STK39: variants seen among roughly 807,000 people sequenced by gnomAD.
STK39 encodes STE20/SPS1-related proline-alanine-rich protein kinase.
STK39 carries 20 observed loss-of-function variants against 77.8 expected under a neutral mutation model. The ratio of observed to expected loss-of-function variants is 0.26; its 90% confidence interval spans 0.18 to 0.37. The LOEUF is 0.37. Ranked by LOEUF, STK39 falls within the 10% of genes least tolerant of loss-of-function variation. STK39 has a pLI of 1.00. For missense variants in STK39, 479 were observed against 656.5 expected (o/e 0.73, Z 2.95); for synonymous variants, 246 against 234.1 (o/e 1.05, Z -0.47).
chr2:168,171,499 T>G (rs1240121508), intron 2 of STK39, among the ~76,000 whole-genome samples: 2 of 151,840 alleles, frequency 1.3e-5, no homozygotes, highest in Non-Finnish European at 2.9e-5. Flanking sequence ...CTTAATTTTT[T>G]TTTTTTTAGA....
chr2:168,214,136 C>T (rs1455472255), intron 1 of STK39, among the ~76,000 whole-genome samples: 1 of 152,006 alleles, frequency 6.6e-6, no homozygotes, highest in African/African-American at 2.4e-5. Context: ...CAATCCCAGG[C>T]AAGTCACTCG....
chr2:168,229,396 A>AC (rs1690390430), intron 1 of STK39, among the ~76,000 whole-genome samples: 1 of 151,950 alleles, frequency 6.6e-6, no homozygotes, highest in South Asian at 2.1e-4. Flanking sequence ...AAAAAAAAAA[A>AC]AAATTAAAAG....
intron 10 of STK39, among the ~76,000 whole-genome samples, chr2:168,085,716 T>G (rs147405269): frequency 2.7e-3 from 414 of 152,290 alleles, no homozygotes; most frequent in African/African-American, 9.6e-3. Context: ...AAGATGCCCA[T>G]GACAATATCT....
chr2:168,191,278 T>A (rs928279430), intron 1 of STK39, among the ~76,000 whole-genome samples: 1 of 152,180 alleles, frequency 6.6e-6, no homozygotes, highest in Non-Finnish European at 1.5e-5. Context: ...CCCAGCTAAT[T>A]GCATCAGAGC....
chr2:167,977,479 T>C (rs976661453), intron 16 of STK39, among the ~76,000 whole-genome samples: 2 of 151,458 alleles, frequency 1.3e-5, no homozygotes, highest in Non-Finnish European at 2.9e-5. Context: ...AACAATGCTG[T>C]ATGGAAAATG....
In STK39 at chr2:167,974,846, TG is replaced by T. The variant is rs544718257; in HGVS notation, c.1499-10121del. 4.6e-3 allele frequency among the ~76,000 whole-genome samples: 708 copies of T among 152,298 alleles called. 4 individuals carry two copies. The highest frequency in any genetic ancestry group is 7.7e-3 in the Non-Finnish European group (526 of 68,020). Reference sequence around the variant, plus strand: ...AACTTTAGAATCACATCATTCAAACTGGGTAAGAATTCCTGGAATTTTAATG... The same window carrying T: ...AACTTTAGAATCACATCATTCAAACTGGTAAGAATTCCTGGAATTTTAATG... On this transcript the variant is annotated intron_variant, in intron 16 of 17. Coordinates refer to ENST00000355999, the MANE Select transcript of STK39 (RefSeq NM_013233.3).
intron 16 of STK39, among the ~76,000 whole-genome samples, chr2:168,011,338 T>C (rs1684265886): frequency 6.6e-6 from 1 of 150,896 alleles, no homozygotes; most frequent in Non-Finnish European, 1.5e-5. Flanking sequence ...ACCATATCAT[T>C]TAAGGGGAGC....
chr2:168,223,400 T>C (rs1690224265), intron 1 of STK39, among the ~76,000 whole-genome samples: 1 of 148,818 alleles, frequency 6.7e-6, no homozygotes, highest in Non-Finnish European at 1.5e-5. Flanking sequence ...TAATCCCAGC[T>C]AATCGGGAGG....
rs1405359599 is a variant in STK39, at chr2:168,167,417, G to A, written c.322-10C>T. 6.2e-7 allele frequency: 1 copy of A among 1,611,916 alleles called. No individual in the cohort carries two copies. The highest frequency in any genetic ancestry group is 1.3e-5 in the African/African-American group (1 of 74,872). On this transcript the variant is annotated splice_polypyrimidine_tract_variant and intron_variant, in intron 2 of 17. Transcript: ENST00000355999. ...TGGCTTGAATTTCTTTCTATAAAAA[G>A]AGCAAAACATGACATAGTACCATGG...
At chr2:168,078,634 G>A (rs928531381) in intron 10 of STK39, among the ~76,000 whole-genome samples, 3 of 151,938 alleles carry the variant, frequency 2.0e-5, no homozygotes, top group Non-Finnish European at 4.4e-5. Flanking sequence ...CAGAAATGCA[G>A]GTGTGTGATT....
intron 16 of STK39, among the ~76,000 whole-genome samples, chr2:167,978,441 C>A (rs1683336224): frequency 6.6e-6 from 1 of 152,120 alleles, no homozygotes; most frequent in African/African-American, 2.4e-5. Flanking sequence ...CTGATCTCTT[C>A]CACTGTCATA....
intron 1 of STK39, among the ~76,000 whole-genome samples, chr2:168,195,323 A>G (rs1444983341): frequency 1.3e-5 from 2 of 152,116 alleles, no homozygotes; most frequent in East Asian, 3.9e-4. Context: ...TCGCTTGAGC[A>G]GAGGAAGTTG....
At chr2:167,984,319 G>A (rs1389495938) in intron 16 of STK39, among the ~76,000 whole-genome samples, 1 of 152,160 alleles carries the variant, frequency 6.6e-6, no homozygotes. Flanking sequence ...CAGCACAGAG[G>A]CAAACCACCT....
intron 1 of STK39, among the ~76,000 whole-genome samples, chr2:168,231,167 TAA>T (rs886357605): frequency 1.3e-5 from 2 of 152,254 alleles, no homozygotes; most frequent in African/African-American, 4.8e-5. Flanking sequence ...ACTGTCATGC[TAA>T]AGAGTCATTT....
intron 1 of STK39, chr2:168,232,169 G>A (rs1690474142): frequency 8.5e-6 from 2 of 236,626 alleles, no homozygotes; most frequent in Admixed American, 4.2e-5. Context: ...TTGCTGTCAC[G>A]TTTTTCACAT....
chr2:168,238,272 T>C (rs1282864303), intron 1 of STK39, among the ~76,000 whole-genome samples: 3 of 152,312 alleles, frequency 2.0e-5, no homozygotes, highest in Middle Eastern at 3.4e-3. Context: ...CAGAAAGTCA[T>C]CCACCTCTAC....
chr2:168,169,220 G>C (rs1162401383), intron 2 of STK39, among the ~76,000 whole-genome samples: 1 of 152,094 alleles, frequency 6.6e-6, no homozygotes, highest in Non-Finnish European at 1.5e-5. Flanking sequence ...TCCGGTATTA[G>C]GTTCTGATGC....
intron 5 of STK39, among the ~76,000 whole-genome samples, chr2:168,149,127 T>C (rs140359663): frequency 8.7e-4 from 133 of 152,348 alleles, no homozygotes; most frequent in African/African-American, 3.0e-3. Flanking sequence ...TAATGGCATA[T>C]GGTTCTTTTT....
chr2:168,096,821 A>G (rs1238432227), intron 10 of STK39, among the ~76,000 whole-genome samples: 2 of 152,210 alleles, frequency 1.3e-5, no homozygotes, highest in African/African-American at 4.8e-5. Context: ...GTCTGAGTTA[A>G]AGATAAACTT....
Sources: allele counts gnomAD v4.1 joint callset (sites outside exome capture counted in the v4.1 genomes callset), GRCh38; gene constraint gnomAD v4.1.1; transcripts MANE v1.5; gene names NCBI Gene and HGNC (gene_info 2026-07-23, HGNC 2026-07-21).